Variants in CNTNAP2 observed in about 807,000 individuals in gnomAD.
CNTNAP2 encodes the protein contactin-associated protein-like 2.
In CNTNAP2, 98 loss-of-function variants were observed where a neutral mutation model predicts 155.2. The observed-to-expected ratio is 0.63, with a 90% CI of 0.54 to 0.75. CNTNAP2 has a LOEUF of 0.75. Among genes scored for constraint, CNTNAP2 ranks in the 30% least tolerant of loss-of-function variants. The pLI is 0.00. For missense variants in CNTNAP2, 1,727 were observed against 1,688.1 expected, an observed-to-expected ratio of 1.02 and a Z score of -0.40; for synonymous variants, 651 against 631.2, an observed-to-expected ratio of 1.03 and a Z score of -0.47.
In CNTNAP2 at chr7:146,714,657, G is replaced by A. The variant is rs1167102055; in HGVS notation, c.98-59614G>A. ...AACATAGAATCAGACAAAAGTTTTC[G>A]AGTTAAGATAACTAATTGGAAATCA... On this transcript the variant is annotated intron_variant, in intron 1 of 23. Transcript: ENST00000361727. Among the ~76,000 whole-genome samples the A allele has an allele frequency of 4.6e-5, 7 of 152,188 alleles. 1 individual carries two copies. The highest frequency in any genetic ancestry group is 9.6e-5 in the African/African-American group (4 of 41,536).
chr7:147,982,040 T>C (rs972986901), intron 15 of CNTNAP2, among the ~76,000 whole-genome samples: 5 of 152,322 alleles, frequency 3.3e-5, no homozygotes, highest in African/African-American at 7.2e-5. Flanking sequence ...TTGTTTCAAA[T>C]TGAAATATGT....
chr7:147,508,512 A>T (rs1798955796), intron 11 of CNTNAP2, among the ~76,000 whole-genome samples: 1 of 152,228 alleles, frequency 6.6e-6, no homozygotes. Flanking sequence ...AAGGGCCTTC[A>T]GTTTATCCTT....
At chr7:146,310,934 T>A (rs1044941852) in intron 1 of CNTNAP2, among the ~76,000 whole-genome samples, 1 of 152,208 alleles carries the variant, frequency 6.6e-6, no homozygotes, top group Non-Finnish European at 1.5e-5. Context: ...AACAGTTACC[T>A]CTATTGACTA....
intron 1 of CNTNAP2, among the ~76,000 whole-genome samples, chr7:146,233,175 GT>G (rs143998039): frequency 1.2e-3 from 176 of 151,104 alleles, no homozygotes; most frequent in Non-Finnish European, 2.2e-3. Context: ...AAAAAAAAGT[GT>G]TTTTTTTTAT....
chr7:147,040,806 C>CTAT (rs1413800045), intron 3 of CNTNAP2, among the ~76,000 whole-genome samples: 1 of 152,020 alleles, frequency 6.6e-6, no homozygotes, highest in East Asian at 1.9e-4. Flanking sequence ...AAGCCAGATG[C>CTAT]TATTACTCAA....
chr7:147,916,311 C>T (rs988246276), intron 14 of CNTNAP2, among the ~76,000 whole-genome samples: 1 of 152,084 alleles, frequency 6.6e-6, no homozygotes, highest in Non-Finnish European at 1.5e-5. Context: ...GCATAGAATC[C>T]TCCTGTCACC....
intron 13 of CNTNAP2, among the ~76,000 whole-genome samples, chr7:147,771,820 A>T (rs1187334712): frequency 6.6e-6 from 1 of 152,088 alleles, no homozygotes; most frequent in African/African-American, 2.4e-5. Context: ...ACATAAATTT[A>T]TGAATTTGAT....
chr7:147,906,135 A>G (rs765483522), intron 14 of CNTNAP2, among the ~76,000 whole-genome samples: 3 of 152,166 alleles, frequency 2.0e-5, no homozygotes, highest in Non-Finnish European at 2.9e-5. Flanking sequence ...TTAAGGCCCT[A>G]GCATGACATC....
At chr7:148,205,325 T>C (rs909189502) in intron 18 of CNTNAP2, among the ~76,000 whole-genome samples, 7 of 152,218 alleles carry the variant, frequency 4.6e-5, no homozygotes, top group African/African-American at 1.7e-4. Flanking sequence ...TCTACAAATA[T>C]GTAGTTAAAG....
intron 1 of CNTNAP2, among the ~76,000 whole-genome samples, chr7:146,427,465 C>A: frequency 6.6e-6 from 1 of 152,144 alleles, no homozygotes. Context: ...TTTCATGTGA[C>A]AAAACTTTAT....
intron 10 of CNTNAP2, among the ~76,000 whole-genome samples, chr7:147,402,795 C>T (rs1396938348): frequency 6.6e-6 from 1 of 152,148 alleles, no homozygotes; most frequent in Admixed American, 6.5e-5. Flanking sequence ...CTGCTCTACA[C>T]AGCCACTCAG....
chr7:147,117,305 T>C (rs773286047), intron 5 of CNTNAP2, among the ~76,000 whole-genome samples: 1 of 152,086 alleles, frequency 6.6e-6, no homozygotes. Flanking sequence ...TCACAAGATC[T>C]CCTAATCTGT....
At chr7:148,060,171 A>C (rs748526208) in intron 15 of CNTNAP2, among the ~76,000 whole-genome samples, 2 of 152,350 alleles carry the variant, frequency 1.3e-5, no homozygotes, top group Middle Eastern at 6.8e-3. Context: ...TTTTGTAAAT[A>C]CAGCCACATT....
At chr7:148,318,797 A>G (rs1267719014) in intron 21 of CNTNAP2, among the ~76,000 whole-genome samples, 1 of 152,222 alleles carries the variant, frequency 6.6e-6, no homozygotes, top group East Asian at 1.9e-4. Context: ...TCCATGTGAC[A>G]AGGGGATTTA....
chr7:146,181,139 T>A (rs567436254), intron 1 of CNTNAP2, among the ~76,000 whole-genome samples: 1 of 152,298 alleles, frequency 6.6e-6, no homozygotes, highest in Non-Finnish European at 1.5e-5. Flanking sequence ...ATCATCAAGT[T>A]ACTTTAAGCA....
chr7:146,735,022 A>G (rs532208475), intron 1 of CNTNAP2, among the ~76,000 whole-genome samples: 22 of 152,362 alleles, frequency 1.4e-4, no homozygotes, highest in Non-Finnish European at 2.9e-4. Flanking sequence ...CTAAATTTTG[A>G]AAGAGTCTTT....
In CNTNAP2 at chr7:146,931,452, T is replaced by C. The variant is rs1247169523; in HGVS notation, c.402+91548T>C. Among the ~76,000 whole-genome samples, 2 of 147,914 alleles carry C rather than the reference T, an allele frequency of 1.4e-5. 1 individual carries two copies. The highest frequency in any genetic ancestry group is 5.2e-5 in the African/African-American group (2 of 38,800). On this transcript the variant is annotated intron_variant, in intron 3 of 23. Coordinates refer to ENST00000361727, the MANE Select transcript of CNTNAP2 (RefSeq NM_014141.6). ...ATTCAAAGCAGTGTGTAGAGGGAAA[T>C]TTATAGCACTAAATGCCCACAAAAG...
chr7:147,666,635 G>A (rs1435840528), intron 13 of CNTNAP2, among the ~76,000 whole-genome samples: 1 of 152,114 alleles, frequency 6.6e-6, no homozygotes, highest in Non-Finnish European at 1.5e-5. Flanking sequence ...TACATCCCAT[G>A]TTTACTGTGT....
chr7:147,634,840 C>CTATG (rs1584870233), intron 12 of CNTNAP2, among the ~76,000 whole-genome samples: 1 of 152,266 alleles, frequency 6.6e-6, no homozygotes, highest in East Asian at 1.9e-4. Context: ...AGATCTCTTA[C>CTATG]TATGACACAG....
Sources: gnomAD v4.1 joint callset for allele counts (sites outside exome capture counted in the v4.1 genomes callset) on GRCh38, gnomAD v4.1.1 for gene constraint, MANE v1.5 for transcripts, NCBI Gene and HGNC (gene_info 2026-07-23, HGNC 2026-07-21) for gene names.